SPMAP2L: variants seen among roughly 807,000 people sequenced by gnomAD.
The protein encoded by SPMAP2L is sperm microtubule associated protein 2 like.
chr4:56,594,094 A>G, the SPMAP2L span: 5 of 1,608,474 alleles, frequency 3.1e-6, no homozygotes, highest in South Asian at 2.2e-5. Context: ...TCAATGAAAA[A>G]GATCTGGACG....
At chr4:56,554,650 G>C in the SPMAP2L span, among the ~76,000 whole-genome samples, 3 of 152,070 alleles carry the variant, frequency 2.0e-5, no homozygotes, top group African/African-American at 7.2e-5. Context: ...TCACAAAATA[G>C]AAATTTTAAT....
the SPMAP2L span, among the ~76,000 whole-genome samples, chr4:56,585,552 G>C: frequency 6.6e-6 from 1 of 152,060 alleles, no homozygotes; most frequent in Non-Finnish European, 1.5e-5. Flanking sequence ...ATGTTGTTCA[G>C]GCTGGTCTTG....
chr4:56,602,135 C>T, the SPMAP2L span, among the ~76,000 whole-genome samples: 8 of 152,116 alleles, frequency 5.3e-5, no homozygotes, highest in Admixed American at 1.3e-4. Context: ...AACATTGCCT[C>T]TCATTTCTGT....
At chr4:56,605,455 C>A in the SPMAP2L span, among the ~76,000 whole-genome samples, 1 of 151,720 alleles carries the variant, frequency 6.6e-6, no homozygotes, top group African/African-American at 2.4e-5. Context: ...GAATAGAGAA[C>A]TTTGATCCCA....
At chr4:56,612,576 T>G in the SPMAP2L span, among the ~76,000 whole-genome samples, 2 of 119,594 alleles carry the variant, frequency 1.7e-5, no homozygotes, top group Non-Finnish European at 3.4e-5. Flanking sequence ...AATTGTTTAC[T>G]TTTTTTTTTT....
At chr4:56,602,346 C>G in the SPMAP2L span, among the ~76,000 whole-genome samples, 2 of 151,970 alleles carry the variant, frequency 1.3e-5, no homozygotes, top group Non-Finnish European at 2.9e-5. Flanking sequence ...TGTGTTTATC[C>G]TTTAAAAAAA....
the SPMAP2L span, among the ~76,000 whole-genome samples, chr4:56,623,472 G>A: frequency 6.6e-6 from 1 of 152,220 alleles, no homozygotes; most frequent in African/African-American, 2.4e-5. Context: ...GGAAGGGAGA[G>A]GAGCCCTAGA....
At chr4:56,553,995 ATG>A in the SPMAP2L span, among the ~76,000 whole-genome samples, 11 of 31,420 alleles carry the variant, frequency 3.5e-4, no homozygotes, top group Admixed American at 1.6e-3. Flanking sequence ...AGCTTCCTTT[ATG>A]TTTTTTTTTT....
At chr4:56,582,699 A>T in the SPMAP2L span, among the ~76,000 whole-genome samples, 1 of 152,220 alleles carries the variant, frequency 6.6e-6, no homozygotes, top group Admixed American at 6.5e-5. Context: ...ATAAGCCAGC[A>T]ATTAGACTCC....
At chr4:56,568,086 C>G in the SPMAP2L span, among the ~76,000 whole-genome samples, 1 of 152,062 alleles carries the variant, frequency 6.6e-6, no homozygotes, top group Non-Finnish European at 1.5e-5. Context: ...GTTTGTCTCA[C>G]CCAGAGTATT....
At chr4:56,583,656 G>A in the SPMAP2L span, among the ~76,000 whole-genome samples, 2 of 152,316 alleles carry the variant, frequency 1.3e-5, no homozygotes, top group South Asian at 2.1e-4. Flanking sequence ...GTGGCTGGCA[G>A]TTATGACCAG....
the SPMAP2L span, among the ~76,000 whole-genome samples, chr4:56,532,872 A>T: frequency 6.6e-6 from 1 of 152,220 alleles, no homozygotes; most frequent in African/African-American, 2.4e-5. Flanking sequence ...TATCAAAGCC[A>T]TTGTTAACTG....
At chr4:56,535,508 G>A in the SPMAP2L span, among the ~76,000 whole-genome samples, 27 of 152,024 alleles carry the variant, frequency 1.8e-4, no homozygotes, top group Non-Finnish European at 2.8e-4. Context: ...TTGCTCAATC[G>A]ATCATGACCC....
At chr4:56,611,662 CACA>C in the SPMAP2L span, among the ~76,000 whole-genome samples, 1 of 152,174 alleles carries the variant, frequency 6.6e-6, no homozygotes, top group African/African-American at 2.4e-5. Context: ...AACTCTGCCT[CACA>C]ACCTCTGCAG....
At chr4:56,576,504 A>G in the SPMAP2L span, among the ~76,000 whole-genome samples, 2 of 152,146 alleles carry the variant, frequency 1.3e-5, no homozygotes, top group African/African-American at 4.8e-5. Flanking sequence ...GGTAATGGAA[A>G]CTGTCCAGTA....
chr4:56,590,333 C>A, the SPMAP2L span, among the ~76,000 whole-genome samples: 1 of 152,090 alleles, frequency 6.6e-6, no homozygotes, highest in African/African-American at 2.4e-5. Flanking sequence ...TTAAACCATT[C>A]CTGCATCCCT....
the SPMAP2L span, among the ~76,000 whole-genome samples, chr4:56,588,242 AG>A: frequency 6.6e-6 from 1 of 152,088 alleles, no homozygotes; most frequent in African/African-American, 2.4e-5. Flanking sequence ...TGGATTGTGA[AG>A]ATTTTCTCCC....
chr4:56,568,286 T>C, the SPMAP2L span, among the ~76,000 whole-genome samples: 1 of 152,248 alleles, frequency 6.6e-6, no homozygotes, highest in African/African-American at 2.4e-5. Context: ...TTCTAATGAT[T>C]GATTTTTCTC....
the SPMAP2L span, among the ~76,000 whole-genome samples, chr4:56,532,370 C>CT: frequency 4.6e-4 from 69 of 150,926 alleles, no homozygotes; most frequent in Admixed American, 3.0e-3. Context: ...AGAATTGTGC[C>CT]TTTTTTTTTA....
Sources: allele counts gnomAD v4.1 joint callset (sites outside exome capture counted in the v4.1 genomes callset), GRCh38; gene constraint gnomAD v4.1.1; transcripts MANE v1.5; gene names NCBI Gene and HGNC (gene_info 2026-07-23, HGNC 2026-07-21).